CEP164: variants seen among roughly 807,000 people sequenced by gnomAD.
The protein encoded by CEP164 is centrosomal protein of 164 kDa.
A neutral mutation model predicts 182.7 loss-of-function variants in CEP164; 162 were observed. The ratio of observed to expected loss-of-function variants is 0.89; its 90% CI spans 0.78 to 1.01. CEP164 has a LOEUF of 1.01. CEP164 is among the 50% of genes least tolerant of loss of function. CEP164 has a pLI of 0.00. For synonymous variants in CEP164, 661 were observed against 690.0 expected (o/e 0.96, Z 0.66); for missense variants, 1,735 against 1,790.4 (o/e 0.97, Z 0.56).
chr11:117,379,498 A>G (rs1317812366), intron 11 of CEP164, among the ~76,000 whole-genome samples: 1 of 152,166 alleles, frequency 6.6e-6, no homozygotes, highest in Admixed American at 6.5e-5. Flanking sequence ...TAGGATGGGG[A>G]CTGGCACTGG....
At chr11:117,351,737 T>TTTTTTTTTTTTTTTTTG in intron 4 of CEP164, 53 bp from the exon 5 acceptor site, 1 of 1,516,702 alleles carries the variant, frequency 6.6e-7, no homozygotes, top group Non-Finnish European at 9.0e-7. Flanking sequence ...TCTTTTTTTT[T>TTTTTTTTTTTTTTTTTG]TCTTCTTTTG....
chr11:117,402,225 C>CTT (rs760678070), intron 27 of CEP164, among the ~76,000 whole-genome samples: 8 of 141,208 alleles, frequency 5.7e-5, no homozygotes, highest in Admixed American at 7.1e-5. Flanking sequence ...CTTTTCTTGT[C>CTT]TTTTTTTTTT....
intron 2 of CEP164, chr11:117,336,204 G>A (rs1196602283): frequency 6.3e-7 from 1 of 1,590,554 alleles, no homozygotes; most frequent in African/African-American, 1.3e-5. Context: ...CCTGTATTCA[G>A]TCAGAATCGC....
chr11:117,356,678 G>T (rs1730227294), intron 5 of CEP164: 7 of 1,210,070 alleles, frequency 5.8e-6, no homozygotes, highest in Non-Finnish European at 6.3e-6. Context: ...AGCAGGTGGA[G>T]TTGATGTCTT....
At chr11:117,356,901 T>G (rs567668196) in intron 5 of CEP164, among the ~76,000 whole-genome samples, 1 of 152,220 alleles carries the variant, frequency 6.6e-6, no homozygotes, top group African/African-American at 2.4e-5. Context: ...ACATGATCAG[T>G]TTTGCGGGTG....
chr11:117,369,543 G>A (rs1302683934), intron 8 of CEP164, among the ~76,000 whole-genome samples: 6 of 152,202 alleles, frequency 3.9e-5, no homozygotes. Flanking sequence ...TTTGGGCACA[G>A]CAGACACTTT....
chr11:117,347,057 A>T (rs539958981), intron 4 of CEP164, among the ~76,000 whole-genome samples: 3 of 152,140 alleles, frequency 2.0e-5, no homozygotes, highest in African/African-American at 7.2e-5. Flanking sequence ...GCACTTTATT[A>T]TATACACTGT....
intron 3 of CEP164, among the ~76,000 whole-genome samples, chr11:117,342,005 C>T (rs1389392418): frequency 6.6e-6 from 1 of 152,150 alleles, no homozygotes; most frequent in African/African-American, 2.4e-5. Flanking sequence ...ACCATCATTT[C>T]TAGAGGAATG....
chr11:117,335,209 T>C (rs1224668805), intron 1 of CEP164, among the ~76,000 whole-genome samples: 1 of 152,158 alleles, frequency 6.6e-6, no homozygotes, highest in Non-Finnish European at 1.5e-5. Context: ...TGTAGCACAG[T>C]GGGGCATCAT....
In CEP164 at chr11:117,376,885, A is replaced by G. The variant is rs149317567; in HGVS notation, c.1317+1094A>G. On this transcript the variant is annotated intron_variant, in intron 11 of 32. Coordinates refer to ENST00000278935, the MANE Select transcript of CEP164 (RefSeq NM_014956.5). ...TCCTTTGGCAGTAGGTGAGTGGGAA[A>G]GTTACTGAGTCAGTGCAGTGGAGGT... Among the ~76,000 whole-genome samples, 16 of 152,298 alleles carry G rather than the reference A, an allele frequency of 1.1e-4. No individual in the cohort carries two copies. In the East Asian group the frequency reaches 3.1e-3, roughly 29 times the overall value.
chr11:117,411,996 G>C lies in CEP164; in HGVS notation c.4287-76G>C, dbSNP rs997381407. ...GCCCTGAGGGGCTGAGGAGGATCCTGTTCAGCCTTTGACCCTTTCATGGCC... is the reference window on the plus strand; with the variant it reads ...GCCCTGAGGGGCTGAGGAGGATCCTCTTCAGCCTTTGACCCTTTCATGGCC... On this transcript the variant is annotated intron_variant, in intron 32 of 32. Coordinates refer to ENST00000278935, the MANE Select transcript of CEP164 (RefSeq NM_014956.5). The surrounding 1 kb of genome is among the most constrained non-coding windows in gnomAD (Gnocchi z 4.4). 1 of 1,610,396 alleles carries C rather than the reference G, an allele frequency of 6.2e-7. No individual in the cohort carries two copies. The highest frequency in any genetic ancestry group is 8.5e-7 in the Non-Finnish European group (1 of 1,177,656).
In CEP164 at chr11:117,371,391, C is replaced by T; in HGVS notation, c.1077C>T (p.Ser359=). 1.2e-6 allele frequency: 2 copies of T among 1,614,148 alleles called. No homozygotes were observed. Among genetic ancestry groups the T allele is most frequent in the East Asian group, 2.2e-5 (1 of 44,888 alleles). Residue 359 remains serine, a synonymous_variant, in exon 9 of 33, where the codon TCC becomes TCT. Coordinates refer to ENST00000278935, the MANE Select transcript of CEP164 (RefSeq NM_014956.5). The part of the protein sequence containing the change: ...EDTVDAGEEG[S]RREEAAKEPK... The stretch of plus-strand genomic sequence containing the variant: ...CAGTAGATGCAGGAGAGGAGGGTTC[C>T]AGGAGGGAAGAGGCAGCCAAGGAGC...
At chr11:117,391,267 G>A (rs1276275219) in intron 17 of CEP164, 52 bp downstream of exon 17, 2 of 1,528,558 alleles carry the variant, frequency 1.3e-6, no homozygotes, top group Non-Finnish European at 8.9e-7. Context: ...TGGGCTGCCT[G>A]GGGAGGGACT....
At chr11:117,351,579 C>G (rs2039627398) in intron 4 of CEP164, among the ~76,000 whole-genome samples, 1 of 152,080 alleles carries the variant, frequency 6.6e-6, no homozygotes, top group Non-Finnish European at 1.5e-5. Flanking sequence ...TAAGCTAACT[C>G]CTTCTTAGCC....
At chr11:117,388,928 G>T (rs1218447906) in intron 15 of CEP164, among the ~76,000 whole-genome samples, 1 of 151,624 alleles carries the variant, frequency 6.6e-6, no homozygotes, top group Non-Finnish European at 1.5e-5. Flanking sequence ...ACCATGCCTG[G>T]CTAATTTTTT....
intron 4 of CEP164, among the ~76,000 whole-genome samples, chr11:117,349,463 A>G (rs991903353): frequency 1.3e-5 from 2 of 152,152 alleles, no homozygotes; most frequent in Non-Finnish European, 2.9e-5. Flanking sequence ...GCTGGGTCAC[A>G]TGGTAATTCT....
At chr11:117,392,903 G>T (rs1210588911) in intron 19 of CEP164, 101 bp from the exon 20 acceptor site, 6 of 1,544,642 alleles carry the variant, frequency 3.9e-6, no homozygotes, top group Middle Eastern at 2.3e-4. Flanking sequence ...TGTGTGTTGG[G>T]GGAGATTGGG....
intron 3 of CEP164, among the ~76,000 whole-genome samples, chr11:117,340,491 G>A (rs2037939264): frequency 6.6e-6 from 1 of 152,200 alleles, no homozygotes; most frequent in East Asian, 1.9e-4. Context: ...TGGATCTCAT[G>A]TTAAATGCTG....
intron 5 of CEP164, chr11:117,355,349 C>G: frequency 7.8e-7 from 1 of 1,289,810 alleles, no homozygotes; most frequent in Non-Finnish European, 1.0e-6. Flanking sequence ...ACTGGGCACT[C>G]CAGCCCCTCA....
Sources: gnomAD v4.1 joint callset for allele counts (sites outside exome capture counted in the v4.1 genomes callset) on GRCh38, gnomAD v4.1.1 for gene constraint, Gnocchi (gnomAD v3.1) non-coding constraint, MANE v1.5 for transcripts, NCBI Gene and HGNC (gene_info 2026-07-23, HGNC 2026-07-21) for gene names.